Variants in PXDNL observed in about 807,000 individuals in gnomAD.
PXDNL encodes the protein probable oxidoreductase PXDNL.
In PXDNL, 145 loss-of-function variants were observed where a neutral mutation model predicts 150.8. The ratio of observed to expected loss-of-function variants is 0.96; its 90% CI spans 0.84 to 1.10. The LOEUF is 1.10. PXDNL is among the 50% of genes least tolerant of loss of function. The pLI, the probability that PXDNL is intolerant of heterozygous loss-of-function variation, is 0.00. For synonymous variants in PXDNL, 757 were observed against 725.7 expected, an observed-to-expected ratio of 1.04 and a Z score of -0.69; for missense variants, 2,087 against 1,873.9, an observed-to-expected ratio of 1.11 and a Z score of -2.10.
intron 2 of PXDNL, among the ~76,000 whole-genome samples, chr8:51,614,212 C>T (rs1814083573): frequency 6.6e-6 from 1 of 152,230 alleles, no homozygotes; most frequent in Non-Finnish European, 1.5e-5. Flanking sequence ...CATTACTCTA[C>T]CGATTATTTC....
chr8:51,538,754 G>A (rs747604034), intron 4 of PXDNL, among the ~76,000 whole-genome samples: 11 of 152,046 alleles, frequency 7.2e-5, no homozygotes, highest in Admixed American at 2.6e-4. Context: ...CAACAAGAGC[G>A]AAACTCTATC....
intron 8 of PXDNL, among the ~76,000 whole-genome samples, chr8:51,465,735 G>T (rs1586129088): frequency 2.0e-5 from 3 of 152,236 alleles, no homozygotes; most frequent in Middle Eastern, 3.4e-3. Context: ...AAAAATAGTA[G>T]CATTTCTGTA....
At chr8:51,518,192 C>G (rs925693195) in intron 4 of PXDNL, among the ~76,000 whole-genome samples, 8 of 152,176 alleles carry the variant, frequency 5.3e-5, no homozygotes, top group African/African-American at 1.7e-4. Flanking sequence ...ATAAGAACTT[C>G]TGTGAGGACT....
intron 1 of PXDNL, among the ~76,000 whole-genome samples, chr8:51,773,528 C>A (rs2037321583): frequency 6.6e-6 from 1 of 152,182 alleles, no homozygotes; most frequent in Non-Finnish European, 1.5e-5. Context: ...AAAAGGAAGA[C>A]CAATAGCCCA....
chr8:51,439,748 C>A (rs1411030061), intron 12 of PXDNL, among the ~76,000 whole-genome samples: 1 of 150,774 alleles, frequency 6.6e-6, no homozygotes, highest in African/African-American at 2.4e-5. Context: ...TTGCTTGAAC[C>A]CTGGAGGCAG....
intron 6 of PXDNL, among the ~76,000 whole-genome samples, chr8:51,477,720 C>G (rs1449674046): frequency 1.3e-5 from 2 of 152,262 alleles, no homozygotes; most frequent in Admixed American, 6.5e-5. Context: ...ATACACATCC[C>G]CTGGGAGCAT....
intron 21 of PXDNL, among the ~76,000 whole-genome samples, chr8:51,331,057 A>G (rs1805668826): frequency 6.6e-6 from 1 of 152,176 alleles, no homozygotes; most frequent in Non-Finnish European, 1.5e-5. Context: ...GATCAACTGC[A>G]AGAACAAACC....
chr8:51,738,513 C>A (rs1441825306), intron 1 of PXDNL, among the ~76,000 whole-genome samples: 1 of 151,948 alleles, frequency 6.6e-6, no homozygotes, highest in Non-Finnish European at 1.5e-5. Flanking sequence ...TTTCTAGGGC[C>A]TCCTCTTTAC....
chr8:51,628,295 G>A (rs1407295323), intron 2 of PXDNL, among the ~76,000 whole-genome samples: 1 of 151,372 alleles, frequency 6.6e-6, no homozygotes, highest in Non-Finnish European at 1.5e-5. Flanking sequence ...CCAGGCACAA[G>A]TCAATCTACA....
At chr8:51,608,836 C>CAAAGAA (rs1813933304) in intron 2 of PXDNL, among the ~76,000 whole-genome samples, 1 of 59,596 alleles carries the variant, frequency 1.7e-5, no homozygotes, top group Non-Finnish European at 3.3e-5. Flanking sequence ...GACTCTGTCT[C>CAAAGAA]AAAAAAAAAA....
At chr8:51,680,273 C>T (rs1306180074) in intron 1 of PXDNL, among the ~76,000 whole-genome samples, 1 of 152,098 alleles carries the variant, frequency 6.6e-6, no homozygotes. Context: ...TGGGAAGAGG[C>T]TCTTGAGGTG....
At chr8:51,476,925 C>A (rs1023173432) in intron 6 of PXDNL, among the ~76,000 whole-genome samples, 1 of 152,080 alleles carries the variant, frequency 6.6e-6, no homozygotes, top group African/African-American at 2.4e-5. Flanking sequence ...ACAAAAAGTC[C>A]TTACAAACAT....
chr8:51,601,306 T>C (rs1813715676), intron 2 of PXDNL, among the ~76,000 whole-genome samples: 1 of 151,954 alleles, frequency 6.6e-6, no homozygotes, highest in Non-Finnish European at 1.5e-5. Flanking sequence ...CTCTGTCCAA[T>C]GTTGTCGTTG....
At chr8:51,577,290 T>C (rs1813076318) in intron 3 of PXDNL, among the ~76,000 whole-genome samples, 1 of 151,818 alleles carries the variant, frequency 6.6e-6, no homozygotes, top group South Asian at 2.1e-4. Flanking sequence ...TTAAGAATTA[T>C]ACTCCATAAT....
intron 4 of PXDNL, among the ~76,000 whole-genome samples, chr8:51,516,058 G>T (rs1165670675): frequency 6.6e-6 from 1 of 152,156 alleles, no homozygotes; most frequent in Non-Finnish European, 1.5e-5. Context: ...ACAATTGAAA[G>T]GATATAGCTT....
intron 2 of PXDNL, among the ~76,000 whole-genome samples, chr8:51,619,804 G>C (rs980744426): frequency 4.1e-5 from 6 of 145,434 alleles, no homozygotes; most frequent in South Asian, 4.1e-4. Context: ...AGTAGTGCAA[G>C]AACAAACTAA....
intron 4 of PXDNL, among the ~76,000 whole-genome samples, chr8:51,543,639 G>A (rs1305053730): frequency 2.0e-5 from 3 of 149,690 alleles, no homozygotes; most frequent in African/African-American, 7.4e-5. Flanking sequence ...TTGAATCTGG[G>A]AGGTGGAGGT....
intron 19 of PXDNL, among the ~76,000 whole-genome samples, chr8:51,355,021 C>T (rs1431626): frequency 0.68 from 102,593 of 151,940 alleles, 36,384 homozygotes; most frequent in East Asian, 0.94. Flanking sequence ...ATATTAGGTA[C>T]TAACAGACCC....
chr8:51,508,448 A>T (rs1027537738), intron 4 of PXDNL, among the ~76,000 whole-genome samples: 3 of 152,242 alleles, frequency 2.0e-5, no homozygotes, highest in African/African-American at 7.2e-5. Context: ...TTTCAGCAGC[A>T]TTGGAATGCG....
Sources: gnomAD v4.1 joint callset for allele counts (sites outside exome capture counted in the v4.1 genomes callset) on GRCh38, gnomAD v4.1.1 for gene constraint, MANE v1.5 for transcripts, NCBI Gene and HGNC (gene_info 2026-07-23, HGNC 2026-07-21) for gene names.